Variants in NPAS3 observed in about 807,000 individuals in gnomAD.
NPAS3 encodes the protein neuronal PAS domain protein 3.
In NPAS3, 14 loss-of-function variants were observed where a neutral mutation model predicts 73.1. The ratio of observed to expected loss-of-function variants is 0.19; its 90% CI spans 0.13 to 0.30. The LOEUF (loss-of-function observed/expected upper bound fraction) is 0.30. Ranked by LOEUF, NPAS3 falls within the 10% of genes least tolerant of loss-of-function variation. The pLI, the probability that NPAS3 is intolerant of heterozygous loss-of-function variation, is 1.00. For synonymous variants in NPAS3, 620 were observed against 541.5 expected, an observed-to-expected ratio of 1.14 and a Z score of -2.01; for missense variants, 1,096 against 1,250.0, an observed-to-expected ratio of 0.88 and a Z score of 1.86.
intron 1 of NPAS3, among the ~76,000 whole-genome samples, chr14:33,050,404 G>A (rs950355655): frequency 1.3e-5 from 2 of 152,094 alleles, no homozygotes; most frequent in African/African-American, 4.8e-5. Context: ...TCTTCCCTAG[G>A]TCTTCTCTCT....
chr14:33,054,657 G>C (rs1035349070), intron 1 of NPAS3, among the ~76,000 whole-genome samples: 1 of 149,998 alleles, frequency 6.7e-6, no homozygotes, highest in African/African-American at 2.5e-5. Context: ...CTGTCACCCA[G>C]GCTGGAGTGC....
chr14:33,710,440 C>G (rs751162014), intron 6 of NPAS3, among the ~76,000 whole-genome samples: 8 of 152,334 alleles, frequency 5.3e-5, no homozygotes, highest in Admixed American at 4.6e-4. Flanking sequence ...ATCCACCAGA[C>G]TCACTGGAAC....
chr14:33,389,485 G>T (rs1323019747), intron 4 of NPAS3, among the ~76,000 whole-genome samples: 1 of 152,092 alleles, frequency 6.6e-6, no homozygotes, highest in African/African-American at 2.4e-5. Context: ...CCTCCTAAGT[G>T]GTAGAACTAG....
At chr14:32,999,214 A>G (rs1417048546) in intron 1 of NPAS3, among the ~76,000 whole-genome samples, 2 of 152,164 alleles carry the variant, frequency 1.3e-5, no homozygotes, top group African/African-American at 4.8e-5. Flanking sequence ...GGGTATTATT[A>G]TAAATGTTAT....
intron 1 of NPAS3, among the ~76,000 whole-genome samples, chr14:33,033,470 C>G (rs7158411): frequency 0.018 from 2,702 of 152,060 alleles, 35 homozygotes; most frequent in Non-Finnish European, 0.027. Context: ...CAGAGTGAGA[C>G]CCTAACTCAA....
Position 33,536,353 on chromosome 14 carries a change from T to C in NPAS3, c.469-23768T>C, listed in dbSNP as rs534808553. On this transcript the variant is annotated intron_variant, in intron 4 of 11. Transcript: ENST00000356141. ...TTAAAATGTTATTTTAAAAGATTTT[T>C]ATTTTCTATATGGAATAGGGTAATA... Among the ~76,000 whole-genome samples the C allele has an allele frequency of 8.5e-5, 13 of 152,366 alleles. No individual in the cohort carries two copies. In the East Asian group the frequency reaches 2.5e-3, roughly 29 times the overall value.
intron 4 of NPAS3, among the ~76,000 whole-genome samples, chr14:33,395,978 T>A (rs72680148): frequency 0.014 from 2,165 of 152,240 alleles, 24 homozygotes; most frequent in Non-Finnish European, 0.02. Context: ...TGGATGAGTA[T>A]CTTTGTCTCT....
intron 2 of NPAS3, among the ~76,000 whole-genome samples, chr14:33,207,015 C>A (rs1002084528): frequency 1.1e-4 from 16 of 152,108 alleles, no homozygotes; most frequent in African/African-American, 3.9e-4. Context: ...ATGAGAAAGC[C>A]TTTATCCCAT....
chr14:33,054,635 C>T (rs577832161), intron 1 of NPAS3, among the ~76,000 whole-genome samples: 8 of 142,032 alleles, frequency 5.6e-5, no homozygotes, highest in Non-Finnish European at 9.1e-5. Flanking sequence ...TTTTTTGAGA[C>T]GGTGTCTTGC....
At chr14:33,493,805 A>C (rs2052026922) in intron 4 of NPAS3, among the ~76,000 whole-genome samples, 1 of 152,132 alleles carries the variant, frequency 6.6e-6, no homozygotes. Flanking sequence ...TAAACCTTTC[A>C]TAAAGGATGT....
At chr14:33,357,574 G>A (rs767554830) in intron 3 of NPAS3, among the ~76,000 whole-genome samples, 9 of 152,312 alleles carry the variant, frequency 5.9e-5, no homozygotes, top group Admixed American at 1.3e-4. Context: ...TCTTTGGACC[G>A]GCCTCTGCTT....
At chr14:32,979,316 C>T (rs1234701839) in intron 1 of NPAS3, among the ~76,000 whole-genome samples, 1 of 152,204 alleles carries the variant, frequency 6.6e-6, no homozygotes, top group Non-Finnish European at 1.5e-5. Context: ...CTACTACCTA[C>T]TTCACTGATT....
chr14:33,705,514 G>T (rs371093255), intron 6 of NPAS3, among the ~76,000 whole-genome samples: 1 of 152,164 alleles, frequency 6.6e-6, no homozygotes. Context: ...TTAAATGGAA[G>T]AATGAAAAAG....
At chr14:33,304,598 A>G (rs35370449) in intron 3 of NPAS3, among the ~76,000 whole-genome samples, 49,720 of 151,764 alleles carry the variant, frequency 0.33, 8,493 homozygotes, top group Non-Finnish European at 0.39. Context: ...CCTTAGGGCT[A>G]CATATGTGAC....
At chr14:33,449,047 C>T (rs182968050) in intron 4 of NPAS3, among the ~76,000 whole-genome samples, 20 of 152,190 alleles carry the variant, frequency 1.3e-4, no homozygotes, top group Non-Finnish European at 2.6e-4. Flanking sequence ...AATCTCTGGG[C>T]AGACACTCAA....
chr14:33,551,042 G>A (rs2055087928), intron 4 of NPAS3, among the ~76,000 whole-genome samples: 2 of 152,136 alleles, frequency 1.3e-5, no homozygotes, highest in Admixed American at 6.5e-5. Flanking sequence ...ATAAAATAAA[G>A]AGCAAAGAAC....
intron 4 of NPAS3, among the ~76,000 whole-genome samples, chr14:33,434,763 C>T (rs1287533662): frequency 2.0e-5 from 3 of 152,002 alleles, no homozygotes; most frequent in Non-Finnish European, 4.4e-5. Context: ...GAATATAGTA[C>T]GAGTTGAATA....
chr14:33,088,191 C>T (rs138121872), intron 2 of NPAS3, among the ~76,000 whole-genome samples: 1,611 of 152,282 alleles, frequency 0.011, 34 homozygotes, highest in African/African-American at 0.037. Context: ...ACAGTGGGTG[C>T]AGGACAGTGG....
At chr14:33,318,258 A>G (rs1215205633) in intron 3 of NPAS3, among the ~76,000 whole-genome samples, 1 of 152,118 alleles carries the variant, frequency 6.6e-6, no homozygotes, top group Non-Finnish European at 1.5e-5. Flanking sequence ...GACAAGTACT[A>G]TATGATTTTG....
Sources: allele counts gnomAD v4.1 joint callset (sites outside exome capture counted in the v4.1 genomes callset), GRCh38; gene constraint gnomAD v4.1.1; transcripts MANE v1.5; gene names NCBI Gene and HGNC (gene_info 2026-07-23, HGNC 2026-07-21).